The following RSU1 variants were observed in gnomAD, a reference collection of about 807,000 sequenced individuals.
The protein encoded by RSU1 is rsu-1.
A neutral mutation model predicts 31.1 loss-of-function variants in RSU1; 26 were observed. The ratio of observed to expected loss-of-function variants is 0.84; its 90% CI spans 0.61 to 1.16. The LOEUF (loss-of-function observed/expected upper bound fraction) is 1.16. RSU1 is among the 50% of genes most tolerant of loss of function. RSU1 has a pLI of 0.00. For synonymous variants in RSU1, 164 were observed against 136.3 expected (o/e 1.20, Z -1.41); for missense variants, 320 against 339.1 (o/e 0.94, Z 0.44).
chr10:16,707,841 A>G (rs1835937152), intron 7 of RSU1, among the ~76,000 whole-genome samples: 1 of 152,114 alleles, frequency 6.6e-6, no homozygotes. Context: ...CAGTAGTTGC[A>G]TAGTTTTGGG....
chr10:16,814,803 G>A (rs1838492076), intron 2 of RSU1, among the ~76,000 whole-genome samples: 1 of 149,898 alleles, frequency 6.7e-6, no homozygotes, highest in South Asian at 2.1e-4. Context: ...ACCACCCAAT[G>A]TTATACCGGA....
intron 2 of RSU1, among the ~76,000 whole-genome samples, chr10:16,792,436 T>A (rs1301955891): frequency 2.6e-5 from 4 of 152,262 alleles, no homozygotes. Context: ...TTTCATTACG[T>A]CGGCCAAGCT....
chr10:16,791,825 A>G (rs1210748548), intron 2 of RSU1, among the ~76,000 whole-genome samples: 1 of 152,164 alleles, frequency 6.6e-6, no homozygotes, highest in Admixed American at 6.5e-5. Context: ...GTAAGATGAC[A>G]TTACAGACTC....
At chr10:16,755,315 G>A (rs56000739) in intron 4 of RSU1, among the ~76,000 whole-genome samples, 3,089 of 151,958 alleles carry the variant, frequency 0.02, 106 homozygotes, top group African/African-American at 0.071. Flanking sequence ...CAGAGATGGG[G>A]TTTTGCCATG....
intron 8 of RSU1, among the ~76,000 whole-genome samples, chr10:16,646,061 T>TACACAC (rs57414227): frequency 1.3e-5 from 1 of 78,934 alleles, no homozygotes; most frequent in East Asian, 3.7e-4. Context: ...TATATATATA[T>TACACAC]ACACACACAC....
chr10:16,817,171 T>C (rs551168826), intron 1 of RSU1, 87 bp from the exon 2 acceptor site: 2 of 943,410 alleles, frequency 2.1e-6, no homozygotes, highest in Admixed American at 1.8e-5. Context: ...ACTCTGAGGC[T>C]TCCCCAGGGT....
chr10:16,644,120 G>GA (rs940727266), intron 8 of RSU1, among the ~76,000 whole-genome samples: 7 of 151,820 alleles, frequency 4.6e-5, no homozygotes, highest in Non-Finnish European at 1.0e-4. Flanking sequence ...GGGGGTCCTA[G>GA]AACCAATCCC....
chr10:16,605,189 C>T (rs1027964434), intron 8 of RSU1, among the ~76,000 whole-genome samples: 7 of 152,208 alleles, frequency 4.6e-5, no homozygotes, highest in Admixed American at 2.0e-4. Context: ...GAATACGTCA[C>T]CACTCTGGTC....
intron 8 of RSU1, among the ~76,000 whole-genome samples, chr10:16,688,947 G>A (rs1304661001): frequency 6.8e-6 from 1 of 147,906 alleles, no homozygotes; most frequent in African/African-American, 2.7e-5. Flanking sequence ...GATCAAGGCT[G>A]CAGTGAGCTA....
chr10:16,670,366 A>G (rs541137493), intron 8 of RSU1, among the ~76,000 whole-genome samples: 1 of 152,326 alleles, frequency 6.6e-6, no homozygotes, highest in South Asian at 2.1e-4. Flanking sequence ...TCTGATAAAC[A>G]AAACTCCTCA....
chr10:16,801,501 T>C (rs1380108525), intron 2 of RSU1, among the ~76,000 whole-genome samples: 1 of 152,056 alleles, frequency 6.6e-6, no homozygotes, highest in Non-Finnish European at 1.5e-5. Context: ...AGAAAATCAG[T>C]AAGGACAGAG....
intron 7 of RSU1, among the ~76,000 whole-genome samples, chr10:16,701,396 C>T (rs1297210567): frequency 1.3e-5 from 2 of 152,162 alleles, no homozygotes; most frequent in Non-Finnish European, 2.9e-5. Context: ...ATCATCAACG[C>T]AATGTAAGCT....
intron 8 of RSU1, among the ~76,000 whole-genome samples, chr10:16,626,737 C>T (rs971013692): frequency 6.6e-5 from 10 of 152,186 alleles, no homozygotes; most frequent in Non-Finnish European, 1.0e-4. Flanking sequence ...GGGGTGGCAA[C>T]GCTTCACTGT....
intron 4 of RSU1, among the ~76,000 whole-genome samples, chr10:16,755,682 A>G (rs916986789): frequency 2.0e-5 from 3 of 152,164 alleles, no homozygotes; most frequent in African/African-American, 7.2e-5. Flanking sequence ...ACCATGATGT[A>G]CAATCCATCT....
intron 4 of RSU1, among the ~76,000 whole-genome samples, chr10:16,760,573 A>C (rs1408757429): frequency 2.0e-5 from 3 of 152,126 alleles, no homozygotes; most frequent in Non-Finnish European, 4.4e-5. Context: ...TCAAACCAAA[A>C]TGTTATTAGG....
chr10:16,736,212 C>T (rs1439958528), intron 7 of RSU1, among the ~76,000 whole-genome samples: 2 of 152,146 alleles, frequency 1.3e-5, no homozygotes, highest in African/African-American at 4.8e-5. Flanking sequence ...CAGGACAAGA[C>T]TCCTAAAGGC....
chr10:16,678,057 A>T (rs1359075405), intron 8 of RSU1, among the ~76,000 whole-genome samples: 1 of 152,186 alleles, frequency 6.6e-6, no homozygotes, highest in Non-Finnish European at 1.5e-5. Context: ...TTTAAGACAC[A>T]ATCAATTCTT....
intron 7 of RSU1, among the ~76,000 whole-genome samples, chr10:16,717,036 T>C (rs560652473): frequency 2.8e-4 from 42 of 152,334 alleles, no homozygotes; most frequent in South Asian, 1.7e-3. Context: ...CACTTGCTCA[T>C]AGGGAAGTAT....
At chr10:16,797,385 A>G (rs1204857142) in intron 2 of RSU1, among the ~76,000 whole-genome samples, 1 of 152,278 alleles carries the variant, frequency 6.6e-6, no homozygotes, top group Non-Finnish European at 1.5e-5. Flanking sequence ...TCTGAAAACT[A>G]CATAAAATCA....
Sources: allele counts gnomAD v4.1 joint callset (sites outside exome capture counted in the v4.1 genomes callset), GRCh38; gene constraint gnomAD v4.1.1; transcripts MANE v1.5; gene names NCBI Gene and HGNC (gene_info 2026-07-23, HGNC 2026-07-21).